Variants in IRAK3 observed in about 807,000 individuals in gnomAD.
The protein encoded by IRAK3 is interleukin 1 receptor associated kinase 3.
In IRAK3, 57 loss-of-function variants were observed where a neutral mutation model predicts 56.6. The ratio of observed to expected loss-of-function variants is 1.01; its 90% CI spans 0.81 to 1.26. The LOEUF is 1.26. IRAK3 is among the 50% of genes most tolerant of loss of function. IRAK3 has a pLI of 0.00. For missense variants in IRAK3, 703 were observed against 719.0 expected, an observed-to-expected ratio of 0.98 and a Z score of 0.25; for synonymous variants, 258 against 255.7, an observed-to-expected ratio of 1.01 and a Z score of -0.09.
intron 1 of IRAK3, chr12:66,196,857 C>A: frequency 6.8e-7 from 1 of 1,472,010 alleles, no homozygotes; most frequent in Non-Finnish European, 8.9e-7. Flanking sequence ...AAGAAAGAGA[C>A]ATCTTTCCTT....
At chr12:66,211,185 T>C (rs1049083629) in intron 4 of IRAK3, among the ~76,000 whole-genome samples, 1 of 152,236 alleles carries the variant, frequency 6.6e-6, no homozygotes, top group African/African-American at 2.4e-5. Context: ...TTTCTTCCAC[T>C]AAGCTCTTTG....
intron 1 of IRAK3, among the ~76,000 whole-genome samples, chr12:66,200,508 G>A (rs1215392230): frequency 6.6e-6 from 1 of 152,186 alleles, no homozygotes; most frequent in African/African-American, 2.4e-5. Context: ...TAGAGGGTTG[G>A]AAGTATTGGC....
chr12:66,232,311 A>G (rs911530128), intron 8 of IRAK3, among the ~76,000 whole-genome samples: 13 of 152,144 alleles, frequency 8.5e-5, no homozygotes, highest in Non-Finnish European at 1.8e-4. Flanking sequence ...TTGTTTGAGA[A>G]CTGTGGTTTC....
At chr12:66,234,337 G>A in intron 8 of IRAK3, 2 of 1,612,662 alleles carry the variant, frequency 1.2e-6, no homozygotes, top group Non-Finnish European at 1.7e-6. Flanking sequence ...GAGTTAACAC[G>A]GCACCGGGGT....
At chr12:66,226,371 G>C (rs1474157256) in intron 6 of IRAK3, among the ~76,000 whole-genome samples, 1 of 152,024 alleles carries the variant, frequency 6.6e-6, no homozygotes, top group Non-Finnish European at 1.5e-5. Context: ...CTCCCGAGTA[G>C]CTGGGATAAC....
intron 8 of IRAK3, among the ~76,000 whole-genome samples, chr12:66,241,205 C>A (rs1488829952): frequency 6.6e-6 from 1 of 152,082 alleles, no homozygotes; most frequent in Non-Finnish European, 1.5e-5. Flanking sequence ...AATGATCATT[C>A]TGTTAAAGGA....
chr12:66,209,538 A>T lies in IRAK3; in HGVS notation c.381+18A>T. On this transcript the variant is annotated intron_variant, in intron 3 of 11. Coordinates refer to ENST00000261233, the MANE Select transcript of IRAK3 (RefSeq NM_007199.3). Reference sequence around the variant, plus strand: ...TATTCAAGGTAGAGTATGTGTGCATAGAAAATGAGCCTTGAACTTTGTTGC... The same window carrying T: ...TATTCAAGGTAGAGTATGTGTGCATTGAAAATGAGCCTTGAACTTTGTTGC... 5 of 1,442,444 alleles carry T rather than the reference A, an allele frequency of 3.5e-6. No homozygotes were observed. Among genetic ancestry groups the T allele is most frequent in the Non-Finnish European group, 4.9e-6 (5 of 1,023,714 alleles). The allele number at this position is 1,442,444 out of a possible 1,614,324, so 89.4% of individuals were successfully genotyped here.
intron 6 of IRAK3, among the ~76,000 whole-genome samples, chr12:66,223,615 C>T (rs1313917656): frequency 4.0e-5 from 6 of 149,300 alleles, no homozygotes; most frequent in African/African-American, 7.4e-5. Context: ...GCTGAGTTCA[C>T]GCCACTGCAC....
At chr12:66,219,796 G>A (rs756749889) in intron 6 of IRAK3, among the ~76,000 whole-genome samples, 9 of 152,136 alleles carry the variant, frequency 5.9e-5, no homozygotes, top group Non-Finnish European at 1.3e-4. Context: ...TTTTTCTGAT[G>A]ATTAGTGATG....
chr12:66,220,237 C>A (rs951533619), intron 6 of IRAK3, among the ~76,000 whole-genome samples: 2 of 152,038 alleles, frequency 1.3e-5, no homozygotes, highest in Non-Finnish European at 1.5e-5. Context: ...TGGTGTAAGA[C>A]AAAGGTCCAA....
At chr12:66,204,776 GCGCACACACA>G (rs1208253447) in intron 2 of IRAK3, among the ~76,000 whole-genome samples, 9 of 77,066 alleles carry the variant, frequency 1.2e-4, no homozygotes, top group African/African-American at 6.8e-4. Context: ...ATGAGCCCTT[GCGCACACACA>G]CACACACACA....
chr12:66,224,220 T>C (rs2052764001), intron 6 of IRAK3, among the ~76,000 whole-genome samples: 1 of 152,212 alleles, frequency 6.6e-6, no homozygotes, highest in Admixed American at 6.5e-5. Context: ...TTATCTCCAT[T>C]TTGCAGATGA....
intron 6 of IRAK3, among the ~76,000 whole-genome samples, chr12:66,225,447 TC>T (rs1458747649): frequency 1.3e-5 from 2 of 151,002 alleles, no homozygotes; most frequent in African/African-American, 4.9e-5. Flanking sequence ...AGAATCCCCC[TC>T]CCCCGCCACG....
intron 6 of IRAK3, among the ~76,000 whole-genome samples, chr12:66,226,141 ATCTT>A (rs1184428422): frequency 6.6e-6 from 1 of 152,146 alleles, no homozygotes; most frequent in African/African-American, 2.4e-5. Flanking sequence ...ATCTTTAAAA[ATCTT>A]TATTTTTTTA....
At chr12:66,228,462 C>A (rs768107969) in intron 8 of IRAK3, 92 bp downstream of exon 8, 74 of 869,398 alleles carry the variant, frequency 8.5e-5, no homozygotes, top group Non-Finnish European at 1.3e-4. Flanking sequence ...CTGTAGTTCT[C>A]CTGGTATGTA....
At chr12:66,226,053 T>C (rs1019585231) in intron 6 of IRAK3, among the ~76,000 whole-genome samples, 2 of 152,248 alleles carry the variant, frequency 1.3e-5, no homozygotes, top group Admixed American at 6.5e-5. Context: ...TAATAAGTCA[T>C]GTTGTCTTTC....
chr12:66,250,829 C>A lies in IRAK3; in HGVS notation c.*2658C>A, dbSNP rs12315389. ...GAAAGCTGGTTAAAAACGCAGATTG[C>A]TGGGTCCACCCAGCTTCTGATGCAA... On this transcript the variant is annotated 3_prime_UTR_variant, in exon 12 of 12. Coordinates refer to ENST00000261233, the MANE Select transcript of IRAK3 (RefSeq NM_007199.3). 0.051 allele frequency: 7,694 copies of A among 152,218 alleles called. 657 individuals carry two copies. The highest frequency in any genetic ancestry group is 0.18 in the African/African-American group (7,340 of 41,470). The allele number at this position is 152,218 out of a possible 1,614,324, so 9.4% of individuals were successfully genotyped here. A position where few individuals can be genotyped will look rare whatever the true frequency, so the allele number is the denominator to read the frequency against.
chr12:66,213,806 A>G (rs553046934), intron 5 of IRAK3, among the ~76,000 whole-genome samples: 12 of 150,636 alleles, frequency 8.0e-5, no homozygotes, highest in Admixed American at 5.3e-4. Flanking sequence ...AAAGATAGCG[A>G]CTCTCTCCTC....
At chr12:66,210,228 C>T (rs754445109) in intron 4 of IRAK3, 27 bp downstream of exon 4, 4 of 1,411,574 alleles carry the variant, frequency 2.8e-6, no homozygotes, top group African/African-American at 1.4e-5. Context: ...TTTTTTCCAA[C>T]AATTTTTTTA....
Sources: gnomAD v4.1 joint callset for allele counts (sites outside exome capture counted in the v4.1 genomes callset) on GRCh38, gnomAD v4.1.1 for gene constraint, MANE v1.5 for transcripts, NCBI Gene and HGNC (gene_info 2026-07-23, HGNC 2026-07-21) for gene names.